SYNPR: variants seen among roughly 807,000 people sequenced by gnomAD.
SYNPR encodes the protein synaptoporin.
Under a neutral mutation model 32.9 loss-of-function variants are expected in SYNPR, and 23 were observed. That is an observed-to-expected ratio of 0.70 (90% CI 0.50 to 0.99). The LOEUF is 0.99. Among genes scored for constraint, SYNPR ranks in the 50% least tolerant of loss-of-function variants. The pLI is 0.00. For synonymous variants in SYNPR, 146 were observed against 135.9 expected, an observed-to-expected ratio of 1.07 and a Z score of -0.52; for missense variants, 318 against 349.3, an observed-to-expected ratio of 0.91 and a Z score of 0.71.
At chr3:63,491,751 T>A (rs1701261149) in intron 3 of SYNPR, among the ~76,000 whole-genome samples, 1 of 151,882 alleles carries the variant, frequency 6.6e-6, no homozygotes, top group Admixed American at 6.6e-5. Flanking sequence ...GAACTCCTGA[T>A]CTCAAGTGAT....
intron 2 of SYNPR, among the ~76,000 whole-genome samples, chr3:63,365,802 C>A (rs79143809): frequency 6.6e-6 from 1 of 152,060 alleles, no homozygotes; most frequent in African/African-American, 2.4e-5. Flanking sequence ...TAGACAAAAA[C>A]ATTCTTTTAT....
chr3:63,570,423 C>T (rs1191552985), intron 4 of SYNPR, among the ~76,000 whole-genome samples: 2 of 152,202 alleles, frequency 1.3e-5, no homozygotes, highest in Non-Finnish European at 2.9e-5. Context: ...CGTTCACATG[C>T]TCTTCAGAGC....
At chr3:63,515,826 G>GT (rs930237324) in intron 3 of SYNPR, among the ~76,000 whole-genome samples, 2 of 152,044 alleles carry the variant, frequency 1.3e-5, no homozygotes, top group South Asian at 2.1e-4. Context: ...TCATATTACT[G>GT]TTTTTTCACA....
chr3:63,299,849 T>C (rs1167926558), intron 2 of SYNPR, among the ~76,000 whole-genome samples: 2 of 152,134 alleles, frequency 1.3e-5, no homozygotes, highest in Non-Finnish European at 2.9e-5. Flanking sequence ...TTCACAATAA[T>C]TGAAAACCTA....
intron 4 of SYNPR, among the ~76,000 whole-genome samples, chr3:63,584,586 C>T (rs1703149835): frequency 6.6e-6 from 1 of 151,954 alleles, no homozygotes; most frequent in African/African-American, 2.4e-5. Flanking sequence ...AGTCATGTGG[C>T]TCAGGATTTA....
intron 4 of SYNPR, among the ~76,000 whole-genome samples, chr3:63,604,616 GC>G (rs1700092291): frequency 6.6e-6 from 1 of 152,122 alleles, no homozygotes; most frequent in Admixed American, 6.6e-5. Flanking sequence ...TTATCCAGGA[GC>G]AGGCTGTTTA....
At chr3:63,277,397 C>T (rs764399630), upstream of SYNPR, among the ~76,000 whole-genome samples, 5 of 152,112 alleles carry the variant, frequency 3.3e-5, no homozygotes, top group African/African-American at 4.8e-5. Flanking sequence ...TAAGAGTAAA[C>T]AACGTGAACC....
chr3:63,211,707 TC>T, the SYNPR span, among the ~76,000 whole-genome samples: 1 of 72,100 alleles, frequency 1.4e-5, no homozygotes, highest in African/African-American at 6.7e-5. Flanking sequence ...CTTGAATCTT[TC>T]TTTTTTTTTT....
chr3:63,245,649 T>C (rs901834870), intron 1 of SYNPR, among the ~76,000 whole-genome samples: 31 of 150,042 alleles, frequency 2.1e-4, no homozygotes, highest in Admixed American at 1.0e-3. Flanking sequence ...TTAGTGCCAA[T>C]TGATCAGTTA....
intron 2 of SYNPR, among the ~76,000 whole-genome samples, chr3:63,446,005 T>C (rs1021673643): frequency 2.0e-5 from 3 of 152,154 alleles, no homozygotes; most frequent in Non-Finnish European, 4.4e-5. Flanking sequence ...GATACAAAGA[T>C]ATGAGTGTGA....
intron 2 of SYNPR, among the ~76,000 whole-genome samples, chr3:63,424,630 C>T (rs1301436674): frequency 6.6e-6 from 1 of 152,034 alleles, no homozygotes; most frequent in Non-Finnish European, 1.5e-5. Flanking sequence ...TATCTTTAAA[C>T]CTTCCGGATT....
At chr3:63,580,032 G>A (rs1327159023) in intron 4 of SYNPR, among the ~76,000 whole-genome samples, 1 of 152,012 alleles carries the variant, frequency 6.6e-6, no homozygotes, top group Non-Finnish European at 1.5e-5. Context: ...ATTGAGCTAG[G>A]AGGTCTCTAA....
At chr3:63,354,416 A>G (rs1193455969) in intron 2 of SYNPR, among the ~76,000 whole-genome samples, 1 of 152,152 alleles carries the variant, frequency 6.6e-6, no homozygotes, top group Non-Finnish European at 1.5e-5. Flanking sequence ...ATAATTCATC[A>G]TGAATGTCAA....
chr3:63,502,357 G>C (rs963598074), intron 3 of SYNPR, among the ~76,000 whole-genome samples: 1 of 151,474 alleles, frequency 6.6e-6, no homozygotes, highest in South Asian at 2.1e-4. Flanking sequence ...CACCAGAGTA[G>C]TGCATTTGTT....
chr3:63,553,873 C>G lies in SYNPR; in HGVS notation c.210-2670C>G, dbSNP rs566778858. Among the ~76,000 whole-genome samples the G allele has an allele frequency of 6.5e-4, 99 of 152,246 alleles. 2 individuals are homozygous for G. In the South Asian group the frequency reaches 0.02, roughly 30 times the overall value. On this transcript the variant is annotated intron_variant, in intron 3 of 5. Coordinates refer to ENST00000478300, the MANE Select transcript of SYNPR (RefSeq NM_001130003.2). ...AGTAGCTGGGATTACAGGCATGCGCCACCATGCCCGTCTAATTTTATATTT... is the reference window on the plus strand; with the variant it reads ...AGTAGCTGGGATTACAGGCATGCGCGACCATGCCCGTCTAATTTTATATTT...
chr3:63,405,716 CT>C (rs2088351332), intron 2 of SYNPR, among the ~76,000 whole-genome samples: 2 of 152,302 alleles, frequency 1.3e-5, no homozygotes, highest in Middle Eastern at 3.4e-3. Flanking sequence ...AGTTACAAGA[CT>C]ATTGCAAGAT....
intron 2 of SYNPR, among the ~76,000 whole-genome samples, chr3:63,375,026 C>A (rs1355832071): frequency 6.6e-6 from 1 of 152,142 alleles, no homozygotes; most frequent in Non-Finnish European, 1.5e-5. Context: ...AATGAGATAC[C>A]ATCTCACACC....
chr3:63,388,106 C>G (rs1462165408), intron 2 of SYNPR, among the ~76,000 whole-genome samples: 1 of 152,114 alleles, frequency 6.6e-6, no homozygotes, highest in Admixed American at 6.5e-5. Flanking sequence ...GGGGCCTGAA[C>G]TTGGGTACCC....
At chr3:63,550,952 A>C (rs1383843466) in intron 3 of SYNPR, among the ~76,000 whole-genome samples, 1 of 152,064 alleles carries the variant, frequency 6.6e-6, no homozygotes, top group Non-Finnish European at 1.5e-5. Flanking sequence ...GCCACATTTT[A>C]TTCCCCCATG....
Sources: allele counts gnomAD v4.1 joint callset (sites outside exome capture counted in the v4.1 genomes callset), GRCh38; gene constraint gnomAD v4.1.1; transcripts MANE v1.5; gene names NCBI Gene and HGNC (gene_info 2026-07-23, HGNC 2026-07-21).